FAM135B: variants seen among roughly 807,000 people sequenced by gnomAD.
The protein encoded by FAM135B is family with sequence similarity 135 member B.
A neutral mutation model predicts 127.7 loss-of-function variants in FAM135B; 43 were observed. The observed-to-expected ratio is 0.34, with a 90% CI of 0.26 to 0.43. The LOEUF (loss-of-function observed/expected upper bound fraction) is 0.43. Ranked by LOEUF, FAM135B falls within the 20% of genes least tolerant of loss-of-function variation. The pLI is 1.00. For missense variants in FAM135B, 1,558 were observed against 1,725.6 expected (o/e 0.90, Z 1.72); for synonymous variants, 670 against 665.1 (o/e 1.01, Z -0.11).
chr8:138,168,004 C>G lies in FAM135B; in HGVS notation c.1149G>C (p.Glu383Asp), dbSNP rs2130902598. The G allele has an allele frequency of 6.2e-7, 1 of 1,613,932 alleles. No individual in the cohort carries two copies. The highest frequency in any genetic ancestry group is 2.2e-5 in the East Asian group (1 of 44,856). The change falls in exon 12 of 20, where the codon GAG becomes GAC. Residue 383 changes from glutamate to aspartate, a missense_variant. By Grantham distance (45) the Glu-to-Asp change is conservative. Around this residue, in one of 5 missense-constraint regions of FAM135B, gnomAD observed 115 missense variants for 171.1 expected, o/e 0.67. Coordinates refer to ENST00000395297, the MANE Select transcript of FAM135B (RefSeq NM_015912.4). ...SQLSLDIRNS[E>D]YLTSMPPLPA... ...GCAGCGGGGGCATGCTAGTGAGGTA[C>G]TCCGAGTTCCGGATATCCAGGGACA...
At chr8:138,166,012 G>T (rs1354856433) in intron 12 of FAM135B, among the ~76,000 whole-genome samples, 1 of 152,150 alleles carries the variant, frequency 6.6e-6, no homozygotes, top group Admixed American at 6.5e-5. Flanking sequence ...TTTAAATGAT[G>T]GGCACCTAAA....
At chr8:138,291,050 C>T (rs1267703744) in intron 3 of FAM135B, among the ~76,000 whole-genome samples, 1 of 152,142 alleles carries the variant, frequency 6.6e-6, no homozygotes. Context: ...TCTCCATACC[C>T]TGGCGTATGT....
intron 1 of FAM135B, among the ~76,000 whole-genome samples, chr8:138,483,770 A>G (rs1348003503): frequency 1.3e-5 from 2 of 152,160 alleles, no homozygotes; most frequent in Non-Finnish European, 2.9e-5. Flanking sequence ...GCAAGCCTCA[A>G]TTGCATTCCA....
chr8:138,197,313 C>A (rs775032038), intron 8 of FAM135B, among the ~76,000 whole-genome samples: 16 of 152,122 alleles, frequency 1.1e-4, no homozygotes, highest in Admixed American at 2.0e-4. Flanking sequence ...ATGAATGTGC[C>A]TTGAGGAACA....
At position 138,460,492 on chromosome 8, in the gene FAM135B, C is replaced by G. The variant is rs532314220; in HGVS notation, c.-20+36179G>C. ...AGCCAATTCACACCAACAGGGCCTT[C>G]ACCCAAACATGGCAGGGACTGTCTA... is the stretch of plus-strand genomic sequence containing the variant. On this transcript the variant is annotated intron_variant, in intron 1 of 19. Coordinates refer to ENST00000395297, the MANE Select transcript of FAM135B (RefSeq NM_015912.4). 4.6e-5 allele frequency among the ~76,000 whole-genome samples: 7 copies of G among 152,336 alleles called. No homozygotes were observed. In the South Asian group the frequency reaches 1.5e-3, roughly 32 times the overall value.
intron 1 of FAM135B, among the ~76,000 whole-genome samples, chr8:138,471,498 C>T (rs529324088): frequency 3.9e-5 from 6 of 152,126 alleles, no homozygotes; most frequent in African/African-American, 4.8e-5. Flanking sequence ...TATATGGAAA[C>T]GATGACTTTT....
At chr8:138,136,049 T>C (rs1207995442) in intron 19 of FAM135B, among the ~76,000 whole-genome samples, 1 of 152,072 alleles carries the variant, frequency 6.6e-6, no homozygotes, top group African/African-American at 2.4e-5. Context: ...TATAATGTTT[T>C]TAATCAGAAA....
intron 1 of FAM135B, among the ~76,000 whole-genome samples, chr8:138,382,856 A>T (rs1481349190): frequency 6.6e-6 from 1 of 152,130 alleles, no homozygotes; most frequent in East Asian, 1.9e-4. Flanking sequence ...TTCATATTGA[A>T]TTTTTCCTTC....
At chr8:138,453,330 C>T (rs1200617786) in intron 1 of FAM135B, among the ~76,000 whole-genome samples, 2 of 151,784 alleles carry the variant, frequency 1.3e-5, no homozygotes, top group African/African-American at 2.4e-5. Context: ...CAATAAATAT[C>T]CCATATAAAA....
At chr8:138,146,982 T>G (rs1817708693) in intron 14 of FAM135B, among the ~76,000 whole-genome samples, 1 of 152,028 alleles carries the variant, frequency 6.6e-6, no homozygotes, top group African/African-American at 2.4e-5. Context: ...CAAAGGAGGG[T>G]GAAAGTGCCA....
At chr8:138,261,287 T>C (rs541146176) in intron 4 of FAM135B, among the ~76,000 whole-genome samples, 2 of 152,226 alleles carry the variant, frequency 1.3e-5, no homozygotes, top group Non-Finnish European at 2.9e-5. Flanking sequence ...CTTTGGAAAA[T>C]GCTTTTCCTT....
intron 12 of FAM135B, among the ~76,000 whole-genome samples, chr8:138,158,990 C>T (rs1349917210): frequency 2.6e-5 from 4 of 152,188 alleles, no homozygotes; most frequent in South Asian, 4.2e-4. Context: ...GACACATGCA[C>T]GGCCGGGCGT....
At chr8:138,476,000 T>C (rs1814410765) in intron 1 of FAM135B, among the ~76,000 whole-genome samples, 1 of 152,152 alleles carries the variant, frequency 6.6e-6, no homozygotes, top group South Asian at 2.1e-4. Flanking sequence ...TAAACTATGG[T>C]ACGTCTAGAT....
intron 9 of FAM135B, among the ~76,000 whole-genome samples, chr8:138,191,961 A>G (rs374700047): frequency 4.1e-4 from 63 of 152,316 alleles, no homozygotes; most frequent in African/African-American, 1.4e-3. Flanking sequence ...GGCTTGCATC[A>G]CACTGGGGAG....
chr8:138,199,379 T>G (rs999707385), intron 7 of FAM135B, among the ~76,000 whole-genome samples: 2 of 152,180 alleles, frequency 1.3e-5, no homozygotes, highest in Admixed American at 1.3e-4. Flanking sequence ...GTCACTGGGT[T>G]GTGCTCTCAG....
chr8:138,177,286 T>C (rs1263178662), intron 11 of FAM135B, 61 bp downstream of exon 11: 1 of 1,499,656 alleles, frequency 6.7e-7, no homozygotes, highest in Non-Finnish European at 9.2e-7. Flanking sequence ...AGAGTAACTT[T>C]GAACAGCATG....
At chr8:138,496,383 G>GC (rs1257394665) in intron 1 of FAM135B, among the ~76,000 whole-genome samples, 1 of 152,080 alleles carries the variant, frequency 6.6e-6, no homozygotes, top group Non-Finnish European at 1.5e-5. Flanking sequence ...GTCTGCATGC[G>GC]CCCCCTCAGC....
chr8:138,170,325 C>A (rs576329941), intron 11 of FAM135B, among the ~76,000 whole-genome samples: 1 of 149,758 alleles, frequency 6.7e-6, no homozygotes, highest in South Asian at 2.1e-4. Flanking sequence ...TGGGTTCATG[C>A]GATTTTCCTG....
At chr8:138,468,012 G>A (rs1564025697) in intron 1 of FAM135B, among the ~76,000 whole-genome samples, 1 of 152,110 alleles carries the variant, frequency 6.6e-6, no homozygotes. Context: ...ATATGCATAT[G>A]CATATTTTAT....
Sources: allele counts gnomAD v4.1 joint callset (sites outside exome capture counted in the v4.1 genomes callset), GRCh38; gene constraint gnomAD v4.1.1; regional missense constraint gnomAD v4.1.1; transcripts MANE v1.5; gene names NCBI Gene and HGNC (gene_info 2026-07-23, HGNC 2026-07-21).